MSTO1: variants seen among roughly 807,000 people sequenced by gnomAD.
MSTO1 encodes protein misato homolog 1.
In MSTO1, 24 loss-of-function variants were observed where a neutral mutation model predicts 55.7. The ratio of observed to expected loss-of-function variants is 0.43; its 90% CI spans 0.31 to 0.61. MSTO1 has a LOEUF of 0.61. MSTO1 is among the 20% of genes least tolerant of loss of function. The probability of loss-of-function intolerance (pLI) is 0.09; values close to 1 mark genes in which losing one functional copy is unlikely to be tolerated. For missense variants in MSTO1, 363 were observed against 625.7 expected (o/e 0.58, Z 4.48); for synonymous variants, 162 against 252.8 (o/e 0.64, Z 3.41).
At chr1:155,598,383 A>G in the MSTO1 span, among the ~76,000 whole-genome samples, 1 of 151,524 alleles carries the variant, frequency 6.6e-6, no homozygotes, top group Non-Finnish European at 1.5e-5. Context: ...ACAAAGTGCT[A>G]GAATTACAGG....
chr1:155,576,875 C>T, the MSTO1 span, among the ~76,000 whole-genome samples: 1,780 of 148,228 alleles, frequency 0.012, 16 homozygotes, highest in Non-Finnish European at 0.02. Flanking sequence ...ATTAGCCGGG[C>T]GTGGTGGCAG....
At chr1:155,606,659 C>A (rs940742857), upstream of MSTO1, among the ~76,000 whole-genome samples, 3 of 151,882 alleles carry the variant, frequency 2.0e-5, no homozygotes, top group Admixed American at 6.6e-5. Context: ...TCCCAAAGTG[C>A]TGGGATTACA....
chr1:155,584,986 C>T, the MSTO1 span, among the ~76,000 whole-genome samples: 5 of 151,624 alleles, frequency 3.3e-5, no homozygotes, highest in African/African-American at 9.7e-5. Context: ...GTCTCAAACT[C>T]CTGGGCTCAA....
chr1:155,612,493 G>T lies in MSTO1; in HGVS notation c.889G>T (p.Val297Phe). The T allele has an allele frequency of 6.2e-7, 1 of 1,613,924 alleles. No individual in the cohort carries two copies. The highest frequency in any genetic ancestry group is 8.5e-7 in the Non-Finnish European group (1 of 1,179,960). Reference sequence around the variant, plus strand: ...GCACCTGACTGCTCACAGCTCTCTTGTCTGCCCCTTGTCCTTGGGTGGGAG... The same window carrying T: ...GCACCTGACTGCTCACAGCTCTCTTTTCTGCCCCTTGTCCTTGGGTGGGAG... ...LVHLTAHSSL[V>F]CPLSLGGSLG... Residue 297 changes from valine to phenylalanine, a missense_variant, in exon 9 of 14, where the codon GTC (valine) becomes TTC (phenylalanine). By Grantham distance (50) the Val-to-Phe change is conservative. This residue lies in a region of MSTO1 where 231 missense variants were observed against 286.9 expected (regional missense o/e 0.81). Transcript: ENST00000245564.
the MSTO1 span, among the ~76,000 whole-genome samples, chr1:155,604,474 G>A: frequency 6.6e-6 from 1 of 152,308 alleles, no homozygotes. Context: ...CTTTTCTGAT[G>A]TGCCCATTGG....
chr1:155,601,224 C>A, the MSTO1 span, among the ~76,000 whole-genome samples: 3 of 151,406 alleles, frequency 2.0e-5, no homozygotes, highest in African/African-American at 4.9e-5. Context: ...ACCTCCGCCT[C>A]CCAGGTTCAA....
At chr1:155,575,794 A>ATTTT in the MSTO1 span, among the ~76,000 whole-genome samples, 2,196 of 139,210 alleles carry the variant, frequency 0.016, 40 homozygotes, top group African/African-American at 0.044. Flanking sequence ...GTCTTATTTT[A>ATTTT]TTTTTATTTA....
the MSTO1 span, among the ~76,000 whole-genome samples, chr1:155,581,995 G>T: frequency 1.4e-5 from 2 of 142,532 alleles, no homozygotes; most frequent in African/African-American, 5.2e-5. Context: ...CGCTCTTGTT[G>T]CCCAGGCTGG....
At chr1:155,568,200 C>T in the MSTO1 span, among the ~76,000 whole-genome samples, 1 of 150,474 alleles carries the variant, frequency 6.6e-6, no homozygotes, top group African/African-American at 2.4e-5. Context: ...CTGCCTCATC[C>T]TCCCAAGTAG....
At chr1:155,604,394 C>T in the MSTO1 span, among the ~76,000 whole-genome samples, 1 of 152,138 alleles carries the variant, frequency 6.6e-6, no homozygotes, top group Admixed American at 6.5e-5. Flanking sequence ...GATTCTAACG[C>T]AATTTAAACT....
the MSTO1 span, chr1:155,566,183 T>A: frequency 6.6e-5 from 10 of 152,244 alleles, no homozygotes; most frequent in Non-Finnish European, 1.2e-4. Context: ...ATACCTGTAG[T>A]AACCTCTCTG....
chr1:155,597,611 G>T, the MSTO1 span, among the ~76,000 whole-genome samples: 3 of 151,270 alleles, frequency 2.0e-5, no homozygotes, highest in Non-Finnish European at 4.4e-5. Flanking sequence ...CCGGGTTCAA[G>T]CGATTCTCCC....
the MSTO1 span, among the ~76,000 whole-genome samples, chr1:155,569,038 G>T: frequency 6.6e-6 from 1 of 151,522 alleles, no homozygotes. Flanking sequence ...TATTTTAGTA[G>T]AGCCGGGGTT....
chr1:155,566,709 G>C, the MSTO1 span, among the ~76,000 whole-genome samples: 1 of 151,798 alleles, frequency 6.6e-6, no homozygotes, highest in African/African-American at 2.4e-5. Context: ...TCCGCCTCCC[G>C]GGTTCAAGCA....
At chr1:155,592,086 T>C in the MSTO1 span, among the ~76,000 whole-genome samples, 5 of 152,326 alleles carry the variant, frequency 3.3e-5, no homozygotes, top group African/African-American at 9.6e-5. Context: ...AGCGTTTAAG[T>C]AGTACTAGTG....
At chr1:155,591,790 C>CA in the MSTO1 span, among the ~76,000 whole-genome samples, 314 of 129,040 alleles carry the variant, frequency 2.4e-3, 1 homozygote, top group African/African-American at 5.6e-3. Context: ...AACTCCGTCT[C>CA]AAAAAAAAAA....
chr1:155,602,391 G>A, the MSTO1 span, among the ~76,000 whole-genome samples: 4 of 152,250 alleles, frequency 2.6e-5, no homozygotes, highest in African/African-American at 9.6e-5. Context: ...CAGGAGAATC[G>A]CTTGAACCCA....
At chr1:155,610,029 G>A (rs1264950798), upstream of MSTO1, 1 of 574,062 alleles carries the variant, frequency 1.7e-6, no homozygotes, top group Non-Finnish European at 3.0e-6. Context: ...CGTGGCCCGT[G>A]GAGCCCCGCC....
At chr1:155,594,802 A>C in the MSTO1 span, among the ~76,000 whole-genome samples, 1 of 152,074 alleles carries the variant, frequency 6.6e-6, no homozygotes, top group Non-Finnish European at 1.5e-5. Flanking sequence ...GTAAGCTGAA[A>C]GACTATGAAA....
Sources: allele counts gnomAD v4.1 joint callset (sites outside exome capture counted in the v4.1 genomes callset), GRCh38; gene constraint gnomAD v4.1.1; regional missense constraint gnomAD v4.1.1; transcripts MANE v1.5; gene names NCBI Gene and HGNC (gene_info 2026-07-23, HGNC 2026-07-21).